PRDM6: variants seen among roughly 807,000 people sequenced by gnomAD.
PRDM6 encodes the protein PR/SET domain 6.
A neutral mutation model predicts 60.8 loss-of-function variants in PRDM6; 25 were observed. That is an observed-to-expected ratio of 0.41 (90% confidence interval 0.30 to 0.57). The LOEUF (loss-of-function observed/expected upper bound fraction) is 0.57. PRDM6 is among the 20% of genes least tolerant of loss of function. The probability of loss-of-function intolerance (pLI) is 0.27; values close to 1 mark genes in which losing one functional copy is unlikely to be tolerated. For synonymous variants in PRDM6, 407 were observed against 357.4 expected (o/e 1.14, Z -1.57); for missense variants, 839 against 821.3 (o/e 1.02, Z -0.26).
At chr5:123,115,932 T>C (rs1764431126) in intron 3 of PRDM6, among the ~76,000 whole-genome samples, 1 of 152,210 alleles carries the variant, frequency 6.6e-6, no homozygotes, top group Admixed American at 6.5e-5. Context: ...CCAAAATACC[T>C]GCAGGAAAAG....
rs375157753 is a variant in PRDM6, at chr5:123,182,090, C to T, written c.1673+1767C>T. Among the ~76,000 whole-genome samples, 85 of 152,306 alleles carry T rather than the reference C, an allele frequency of 5.6e-4. 1 individual carries two copies. Among genetic ancestry groups the T allele is most frequent in the African/African-American group, 2.0e-3 (84 of 41,562 alleles). On this transcript the variant is annotated intron_variant, in intron 7 of 7. Coordinates refer to ENST00000407847, the MANE Select transcript of PRDM6 (RefSeq NM_001136239.4). ...GGCCTAAAATCAAGTCTGTACTATG[C>T]CACCCATGCTGTGCCGCCTGAGGCT...
At chr5:123,124,324 A>G (rs1424633638) in intron 3 of PRDM6, among the ~76,000 whole-genome samples, 3 of 152,242 alleles carry the variant, frequency 2.0e-5, no homozygotes, top group Non-Finnish European at 4.4e-5. Flanking sequence ...TCGCATTTGT[A>G]GAATGAATGT....
chr5:123,152,710 C>T (rs111827692), intron 3 of PRDM6, among the ~76,000 whole-genome samples: 228 of 152,310 alleles, frequency 1.5e-3, no homozygotes, highest in Non-Finnish European at 2.2e-3. Flanking sequence ...GTTGTTGTAA[C>T]GTGCAACCCT....
chr5:123,112,605 A>G (rs559222375), intron 3 of PRDM6, among the ~76,000 whole-genome samples: 31 of 152,134 alleles, frequency 2.0e-4, no homozygotes, highest in African/African-American at 7.0e-4. Context: ...TCTGTCTTAA[A>G]TCTTATATCC....
At chr5:123,185,510 G>C (rs1766266603) in intron 7 of PRDM6, among the ~76,000 whole-genome samples, 1 of 152,164 alleles carries the variant, frequency 6.6e-6, no homozygotes, top group Non-Finnish European at 1.5e-5. Context: ...ATCATTAGGT[G>C]ATCAATACTT....
intron 3 of PRDM6, among the ~76,000 whole-genome samples, chr5:123,142,406 T>A (rs942833855): frequency 5.9e-5 from 9 of 152,290 alleles, no homozygotes; most frequent in African/African-American, 2.2e-4. Context: ...CATCTGTAGC[T>A]CATCTAGCAA....
chr5:123,094,783 C>T (rs533751890), intron 2 of PRDM6, among the ~76,000 whole-genome samples: 1 of 152,306 alleles, frequency 6.6e-6, no homozygotes, highest in African/African-American at 2.4e-5. Flanking sequence ...GGCAGCCTCG[C>T]AGGGGCAGGG....
At chr5:123,112,518 C>G (rs998534995) in intron 3 of PRDM6, among the ~76,000 whole-genome samples, 2 of 152,170 alleles carry the variant, frequency 1.3e-5, no homozygotes, top group South Asian at 4.1e-4. Context: ...CTTTCTCACA[C>G]CCGGAGAGCT....
rs190606223 is a variant in PRDM6, at chr5:123,178,289, T to A, written c.1497-1858T>A. On this transcript the variant is annotated intron_variant, in intron 6 of 7. Transcript: ENST00000407847. The stretch of plus-strand genomic sequence containing the variant: ...AAATAGATAACCAGAGGCTAATAAA[T>A]GTTAATGGTCCCTTCACTATTAGAA... Among the ~76,000 whole-genome samples, 423 of 152,334 alleles carry A rather than the reference T, an allele frequency of 2.8e-3. 2 individuals carry two copies. Among genetic ancestry groups the A allele is most frequent in the African/African-American group, 0.01 (418 of 41,582 alleles).
rs1484074798 is a variant in PRDM6, at chr5:123,091,084, C to A, written c.592+478C>A. ...TTGTTTTTGCTACTCTCCACCCCAC[C>A]TCTGGAGGGGTCATTTTCGGGCCGC... On this transcript the variant is annotated intron_variant, in intron 2 of 7. Coordinates refer to ENST00000407847, the MANE Select transcript of PRDM6 (RefSeq NM_001136239.4). Among the ~76,000 whole-genome samples the A allele has an allele frequency of 2.0e-5, 3 of 152,146 alleles. No individual in the cohort carries two copies. The East Asian group carries it at 5.8e-4, about 29-fold the overall frequency.
At chr5:123,135,782 A>G (rs1764937996) in intron 3 of PRDM6, among the ~76,000 whole-genome samples, 1 of 152,204 alleles carries the variant, frequency 6.6e-6, no homozygotes, top group African/African-American at 2.4e-5. Context: ...TAAATTCCTA[A>G]GAATGTATTC....
chr5:123,167,218 G>T (rs1035388835), intron 5 of PRDM6, among the ~76,000 whole-genome samples: 1 of 151,916 alleles, frequency 6.6e-6, no homozygotes, highest in Non-Finnish European at 1.5e-5. Context: ...GTAAACTATC[G>T]TCACCCTACT....
intron 6 of PRDM6, among the ~76,000 whole-genome samples, chr5:123,176,281 A>AAC (rs1483071695): frequency 1.3e-5 from 2 of 150,914 alleles, no homozygotes; most frequent in Non-Finnish European, 2.9e-5. Flanking sequence ...AAAAAAAAAA[A>AAC]AACAAAAAAA....
chr5:123,176,483 G>A (rs1362841890), intron 6 of PRDM6, among the ~76,000 whole-genome samples: 1 of 152,154 alleles, frequency 6.6e-6, no homozygotes, highest in African/African-American at 2.4e-5. Context: ...GGCCAAGTCA[G>A]GCAGATCACT....
At chr5:123,186,129 C>T (rs1766284059) in intron 7 of PRDM6, among the ~76,000 whole-genome samples, 1 of 152,210 alleles carries the variant, frequency 6.6e-6, no homozygotes, top group African/African-American at 2.4e-5. Flanking sequence ...GGAGAAGTCG[C>T]TGTCTGTGCC....
At chr5:123,147,247 A>G (rs376160310) in intron 3 of PRDM6, among the ~76,000 whole-genome samples, 4 of 151,482 alleles carry the variant, frequency 2.6e-5, no homozygotes, top group South Asian at 4.2e-4. Context: ...AGAATTTTGC[A>G]GTCTGTGAAA....
At chr5:123,110,461 G>A (rs1292357985) in intron 3 of PRDM6, among the ~76,000 whole-genome samples, 1 of 151,124 alleles carries the variant, frequency 6.6e-6, no homozygotes, top group African/African-American at 2.4e-5. Flanking sequence ...GTTTCACCAT[G>A]TGGGCCAGGC....
intron 6 of PRDM6, among the ~76,000 whole-genome samples, chr5:123,175,651 C>G (rs1765989657): frequency 6.6e-6 from 1 of 152,164 alleles, no homozygotes; most frequent in Non-Finnish European, 1.5e-5. Flanking sequence ...AGTAATCTCT[C>G]TTTGAAGTCT....
intron 2 of PRDM6, among the ~76,000 whole-genome samples, chr5:123,095,455 G>A (rs998174288): frequency 2.0e-5 from 3 of 152,230 alleles, no homozygotes; most frequent in African/African-American, 7.2e-5. Flanking sequence ...GTTCGGGCCC[G>A]GATGCTCTGC....
Sources: gnomAD v4.1 joint callset for allele counts (sites outside exome capture counted in the v4.1 genomes callset) on GRCh38, gnomAD v4.1.1 for gene constraint, MANE v1.5 for transcripts, NCBI Gene and HGNC (gene_info 2026-07-23, HGNC 2026-07-21) for gene names.